DNAH14: variants seen among roughly 807,000 people sequenced by gnomAD.
DNAH14 encodes the protein dynein axonemal heavy chain 14, also known as axonemal beta dynein heavy chain 14.
Under a neutral mutation model 520.9 loss-of-function variants are expected in DNAH14, and 478 were observed. That is an observed-to-expected ratio of 0.92 (90% CI 0.85 to 0.99). The LOEUF is 0.99. Ranked by LOEUF, DNAH14 falls within the 50% of genes least tolerant of loss-of-function variation. The pLI is 0.00. For synonymous variants in DNAH14, 1,581 were observed against 1,757.2 expected, an observed-to-expected ratio of 0.90 and a Z score of 2.51; for missense variants, 4,831 against 5,234.5, an observed-to-expected ratio of 0.92 and a Z score of 2.38.
At chr1:225,235,138 T>A (rs977748030) in intron 42 of DNAH14, among the ~76,000 whole-genome samples, 2 of 152,194 alleles carry the variant, frequency 1.3e-5, no homozygotes, top group African/African-American at 4.8e-5. Flanking sequence ...TCAAGAAGAA[T>A]CCCTCCAGCT....
chr1:225,335,238 T>A (rs2094915152), intron 66 of DNAH14, among the ~76,000 whole-genome samples: 1 of 142,742 alleles, frequency 7.0e-6, no homozygotes, highest in Non-Finnish European at 1.5e-5. Context: ...TATACACATG[T>A]GTACATTGTG....
intron 27 of DNAH14, among the ~76,000 whole-genome samples, chr1:225,136,912 T>C (rs1257374921): frequency 6.6e-6 from 1 of 152,200 alleles, no homozygotes; most frequent in East Asian, 1.9e-4. Flanking sequence ...GTCTTCAAGC[T>C]CTGAGATTCT....
intron 42 of DNAH14, among the ~76,000 whole-genome samples, chr1:225,235,016 C>T (rs369432598): frequency 2.6e-5 from 4 of 152,102 alleles, no homozygotes; most frequent in African/African-American, 9.7e-5. Flanking sequence ...TTCTTCTCTT[C>T]CTATATGAAT....
At chr1:225,026,331 C>T (rs2148060065) in intron 11 of DNAH14, among the ~76,000 whole-genome samples, 1 of 151,680 alleles carries the variant, frequency 6.6e-6, no homozygotes, top group East Asian at 1.9e-4. Context: ...GAAATCATTG[C>T]CTAATCCAAA....
intron 1 of DNAH14, among the ~76,000 whole-genome samples, chr1:224,946,140 C>T (rs2059810687): frequency 1.3e-5 from 2 of 152,174 alleles, no homozygotes; most frequent in South Asian, 4.1e-4. Flanking sequence ...GTGGGCTCCA[C>T]CTAGTGGGAG....
chr1:225,254,865 C>T (rs1277797367), intron 44 of DNAH14, among the ~76,000 whole-genome samples: 1 of 152,212 alleles, frequency 6.6e-6, no homozygotes, highest in African/African-American at 2.4e-5. Flanking sequence ...ATTGCCTACG[C>T]ACCCAAACCT....
At chr1:225,099,107 A>G (rs1051676255) in intron 22 of DNAH14, among the ~76,000 whole-genome samples, 1 of 152,204 alleles carries the variant, frequency 6.6e-6, no homozygotes, top group Non-Finnish European at 1.5e-5. Context: ...CTGTGCTAGG[A>G]CATCCCAGAG....
intron 10 of DNAH14, among the ~76,000 whole-genome samples, chr1:225,008,575 CTTTTTTTTTTTTT>C (rs57331050): frequency 1.0e-5 from 1 of 98,310 alleles, no homozygotes; most frequent in Admixed American, 1.3e-4. Context: ...TTTTTCCTGA[CTTTTTTTTTTTTT>C]TTTTTTTTTT....
chr1:225,104,686 G>A (rs930083124), intron 23 of DNAH14, among the ~76,000 whole-genome samples: 3 of 152,154 alleles, frequency 2.0e-5, no homozygotes, highest in African/African-American at 7.2e-5. Context: ...GGTGTTGATA[G>A]TATTCTCTGA....
intron 1 of DNAH14, among the ~76,000 whole-genome samples, chr1:224,934,390 C>T (rs1291468853): frequency 6.6e-6 from 1 of 151,322 alleles, no homozygotes; most frequent in African/African-American, 2.4e-5. Context: ...GAAGTAAATA[C>T]AAAATACATT....
chr1:225,308,856 T>C (rs957254591), intron 60 of DNAH14, among the ~76,000 whole-genome samples: 3 of 152,230 alleles, frequency 2.0e-5, no homozygotes, highest in African/African-American at 7.2e-5. Flanking sequence ...CAAGAGCCAG[T>C]GTGGTTTAGC....
At chr1:225,111,854 T>G (rs2076505717) in intron 23 of DNAH14, among the ~76,000 whole-genome samples, 1 of 152,096 alleles carries the variant, frequency 6.6e-6, no homozygotes, top group African/African-American at 2.4e-5. Context: ...ATCATGTAAC[T>G]GTTATTTTAA....
chr1:224,935,753 G>C (rs2058992523), intron 1 of DNAH14, among the ~76,000 whole-genome samples: 1 of 151,724 alleles, frequency 6.6e-6, no homozygotes, highest in Non-Finnish European at 1.5e-5. Flanking sequence ...TCCAACAATT[G>C]CAGAATATAT....
chr1:225,074,550 C>A (rs1257874182), intron 17 of DNAH14, among the ~76,000 whole-genome samples: 1 of 152,210 alleles, frequency 6.6e-6, no homozygotes, highest in East Asian at 1.9e-4. Flanking sequence ...GGTGGCCCAC[C>A]CTTCCCTTTG....
intron 36 of DNAH14, among the ~76,000 whole-genome samples, chr1:225,174,385 A>C (rs937952744): frequency 6.6e-5 from 10 of 152,146 alleles, no homozygotes; most frequent in African/African-American, 1.9e-4. Flanking sequence ...ATGATGATAT[A>C]TGTTTTGTAG....
intron 23 of DNAH14, among the ~76,000 whole-genome samples, chr1:225,113,650 T>C (rs2076649213): frequency 6.6e-6 from 1 of 152,142 alleles, no homozygotes; most frequent in South Asian, 2.1e-4. Context: ...CTTAGAAATA[T>C]ACTTCTTTAT....
Position 225,080,452 on chromosome 1 carries a change from G to A in DNAH14, c.2840G>A (p.Gly947Glu), listed in dbSNP as rs536955298. Residue 947 changes from glycine to glutamate, a missense_variant, in exon 19 of 86, where the codon GGG becomes GAG. Transcript: ENST00000682510. Reference protein sequence around the residue: ...TAMEMIQTLSGEAASLTNKAK... With the variant: ...TAMEMIQTLSEEAASLTNKAK... ...ATGGAAATGATCCAGACTCTCTCAG[G>A]GGAAGCTGCAAGTTTAACTAACAAA... 2 of 1,551,634 alleles carry A rather than the reference G, an allele frequency of 1.3e-6. No individual in the cohort carries two copies. The highest frequency in any genetic ancestry group is 1.7e-6 in the Non-Finnish European group (2 of 1,146,966).
At chr1:225,335,775 G>C (rs1173269806) in intron 66 of DNAH14, among the ~76,000 whole-genome samples, 3 of 114,578 alleles carry the variant, frequency 2.6e-5, no homozygotes, top group Non-Finnish European at 5.3e-5. Flanking sequence ...GTGCATATGT[G>C]CATATATTCA....
chr1:225,250,008 G>C (rs12064870), intron 43 of DNAH14, among the ~76,000 whole-genome samples: 2,858 of 152,242 alleles, frequency 0.019, 73 homozygotes, highest in African/African-American at 0.054. Context: ...TTTAAAGTTT[G>C]GGACTATTAT....
Sources: gnomAD v4.1 joint callset for allele counts (sites outside exome capture counted in the v4.1 genomes callset) on GRCh38, gnomAD v4.1.1 for gene constraint, MANE v1.5 for transcripts, NCBI Gene and HGNC (gene_info 2026-07-23, HGNC 2026-07-21) for gene names.